Variants in HMGB1 observed in about 807,000 individuals in gnomAD.
HMGB1 encodes the protein high mobility group box 1.
For synonymous variants in HMGB1, 81 were observed against 84.0 expected (o/e 0.96, Z 0.19); for missense variants, 79 against 253.5 (o/e 0.31, Z 4.67).
At chr13:30,470,585 CT>C (rs2137418642), upstream of HMGB1, among the ~76,000 whole-genome samples, 1 of 152,322 alleles carries the variant, frequency 6.6e-6, no homozygotes, top group East Asian at 1.9e-4. Flanking sequence ...CCAAATTAGA[CT>C]TTATCACAGA....
intron 1 of HMGB1, among the ~76,000 whole-genome samples, chr13:30,613,476 A>G (rs555016652): frequency 2.6e-5 from 4 of 152,244 alleles, no homozygotes; most frequent in African/African-American, 9.6e-5. Context: ...TGAGCTGGAA[A>G]GAACAAACCT....
At chr13:30,590,815 G>A (rs1225882283) in intron 1 of HMGB1, among the ~76,000 whole-genome samples, 1 of 152,132 alleles carries the variant, frequency 6.6e-6, no homozygotes, top group East Asian at 1.9e-4. Context: ...GACACACCAC[G>A]AAGGCACCAT....
intron 1 of HMGB1, among the ~76,000 whole-genome samples, chr13:30,480,667 C>T (rs1245442052): frequency 1.3e-5 from 2 of 152,064 alleles, no homozygotes; most frequent in Admixed American, 6.6e-5. Flanking sequence ...GGACCTGCTC[C>T]CTTCTATGTC....
intron 1 of HMGB1, among the ~76,000 whole-genome samples, chr13:30,505,065 G>C (rs927437302): frequency 8.6e-5 from 13 of 151,722 alleles, no homozygotes; most frequent in Admixed American, 3.3e-4. Flanking sequence ...CTGCCTCCCG[G>C]GTTTAAGCAA....
chr13:30,586,482 T>G (rs1293656237), intron 1 of HMGB1, among the ~76,000 whole-genome samples: 2 of 50,326 alleles, frequency 4.0e-5, no homozygotes, highest in Non-Finnish European at 7.8e-5. Context: ...TTTTTTTGTT[T>G]TTTTTTTTTT....
intron 1 of HMGB1, among the ~76,000 whole-genome samples, chr13:30,498,065 A>G (rs1230328053): frequency 1.3e-5 from 2 of 152,170 alleles, no homozygotes; most frequent in African/African-American, 4.8e-5. Flanking sequence ...ACTAATTTAC[A>G]TTCCTACCAG....
chr13:30,553,757 C>T (rs11618264), intron 1 of HMGB1: 225,430 of 1,354,572 alleles, frequency 0.17, 21,048 homozygotes, highest in Admixed American at 0.26. Context: ...GAAATGAGTC[C>T]CATGACTATC....
chr13:30,538,572 CTTT>C (rs1868630458), intron 1 of HMGB1, among the ~76,000 whole-genome samples: 4 of 75,478 alleles, frequency 5.3e-5, no homozygotes, highest in Non-Finnish European at 9.3e-5. Context: ...TCTTCTTTTT[CTTT>C]CTTTCTTTCT....
At chr13:30,524,063 T>C (rs1183696261) in intron 1 of HMGB1, among the ~76,000 whole-genome samples, 2 of 151,918 alleles carry the variant, frequency 1.3e-5, no homozygotes, top group Non-Finnish European at 2.9e-5. Context: ...CTGGAAACCA[T>C]CATTCTCAGC....
At chr13:30,613,016 T>C (rs1950527098) in intron 1 of HMGB1, among the ~76,000 whole-genome samples, 1 of 152,218 alleles carries the variant, frequency 6.6e-6, no homozygotes, top group Non-Finnish European at 1.5e-5. Context: ...ATGTAGGTTT[T>C]AGTACCAGGT....
At chr13:30,474,758 C>CTTTTT in intron 1 of HMGB1, among the ~76,000 whole-genome samples, 1 of 96,978 alleles carries the variant, frequency 1.0e-5, no homozygotes, top group Admixed American at 9.7e-5. Flanking sequence ...GTCTCTCTCT[C>CTTTTT]CTTTTTTTTT....
intron 1 of HMGB1, among the ~76,000 whole-genome samples, chr13:30,528,654 T>G (rs1405097491): frequency 1.3e-5 from 2 of 152,166 alleles, no homozygotes; most frequent in Non-Finnish European, 2.9e-5. Flanking sequence ...GAACAGCTGA[T>G]AAGTTAAAAA....
chr13:30,469,560 G>C (rs1161482358), upstream of HMGB1, among the ~76,000 whole-genome samples: 1 of 64,822 alleles, frequency 1.5e-5, no homozygotes, highest in African/African-American at 3.4e-5. Context: ...TTGACTTTCT[G>C]GGACTGAAGC....
In HMGB1 at chr13:30,465,843, C is replaced by T. The variant is rs1166133435; in HGVS notation, c.-62G>A. 5.1e-6 allele frequency: 5 copies of T among 985,446 alleles called. No homozygotes were observed. Among genetic ancestry groups the T allele is most frequent in the Non-Finnish European group, 6.0e-6 (5 of 829,666 alleles). The allele number at this position is 985,446 out of a possible 1,614,324, so 61.0% of individuals were successfully genotyped here. On this transcript the variant is annotated 5_prime_UTR_variant, in exon 1 of 5. Coordinates refer to ENST00000341423, the MANE Select transcript of HMGB1 (RefSeq NM_002128.7). ...CCAGTGCCCGTCCGGCTCTCACTTG[C>T]CCCGGTGCTGTCTCTATGGAGCTCA...
At chr13:30,556,675 A>T (rs192892205) in intron 1 of HMGB1, among the ~76,000 whole-genome samples, 1 of 152,368 alleles carries the variant, frequency 6.6e-6, no homozygotes, top group East Asian at 1.9e-4. Context: ...TAAACAGTGC[A>T]TGTTCTCACT....
chr13:30,524,481 C>A (rs1888318711), intron 1 of HMGB1, among the ~76,000 whole-genome samples: 1 of 151,794 alleles, frequency 6.6e-6, no homozygotes, highest in Non-Finnish European at 1.5e-5. Context: ...AAGCAAGGCA[C>A]CTTCTTTACA....
chr13:30,481,256 G>A (rs1168837256), intron 1 of HMGB1, among the ~76,000 whole-genome samples: 2 of 137,988 alleles, frequency 1.4e-5, no homozygotes, highest in Admixed American at 7.2e-5. Context: ...GGGATTTTTT[G>A]ATGGAGAAAA....
intron 1 of HMGB1, among the ~76,000 whole-genome samples, chr13:30,485,011 A>G (rs1181387321): frequency 6.7e-6 from 1 of 150,260 alleles, no homozygotes; most frequent in African/African-American, 2.4e-5. Context: ...CATTTCATGG[A>G]AAACATTTCT....
chr13:30,584,314 T>C (rs1454685545), intron 1 of HMGB1, among the ~76,000 whole-genome samples: 2 of 152,202 alleles, frequency 1.3e-5, no homozygotes, highest in Non-Finnish European at 2.9e-5. Context: ...TTCTTTTCTC[T>C]GACTTGAATC....
Sources: gnomAD v4.1 joint callset for allele counts (sites outside exome capture counted in the v4.1 genomes callset) on GRCh38, gnomAD v4.1.1 for gene constraint, MANE v1.5 for transcripts, NCBI Gene and HGNC (gene_info 2026-07-23, HGNC 2026-07-21) for gene names.